Variants in TNR observed in about 807,000 individuals in gnomAD.
The protein encoded by TNR is tenascin R, also known as tenascin-R.
TNR carries 45 observed loss-of-function variants against 150.4 expected under a neutral mutation model. That is an observed-to-expected ratio of 0.30 (90% CI 0.24 to 0.38). The LOEUF (loss-of-function observed/expected upper bound fraction) is 0.38. TNR is among the 10% of genes least tolerant of loss of function. The pLI, the probability that TNR is intolerant of heterozygous loss-of-function variation, is 1.00. For synonymous variants in TNR, 687 were observed against 678.4 expected (o/e 1.01, Z -0.20); for missense variants, 1,544 against 1,759.1 (o/e 0.88, Z 2.19).
intron 3 of TNR, 149 bp downstream of exon 3, chr1:175,406,065 CTT>C: frequency 2.9e-6 from 3 of 1,049,574 alleles, no homozygotes; most frequent in South Asian, 1.7e-5. Context: ...GACTAGGACA[CTT>C]TTTTCCTTTG....
At position 175,647,435 on chromosome 1, in the gene TNR, CA is replaced by C. The variant is rs397745737; in HGVS notation, c.-165+95790del. 1.5e-3 allele frequency among the ~76,000 whole-genome samples: 180 copies of C among 121,584 alleles called. 2 individuals are homozygous for C. In the East Asian group the frequency reaches 0.015, roughly 10 times the overall value. The allele number at this position is 121,584 out of a possible 152,430, so 79.8% of individuals were successfully genotyped here. A position where few individuals can be genotyped will look rare whatever the true frequency, so the allele number is the denominator to read the frequency against. On this transcript the variant is annotated intron_variant, in intron 1 of 22. Coordinates refer to ENST00000367674, the MANE Select transcript of TNR (RefSeq NM_003285.3). Reference sequence around the variant, plus strand: ...AAAATACGCTTGTTACTATTCGGTGCAAAAAAAAAAAAAACCTCATTGTCTC... The same window carrying C: ...AAAATACGCTTGTTACTATTCGGTGCAAAAAAAAAAAAACCTCATTGTCTC...
chr1:175,678,392 A>T (rs1323473152), intron 1 of TNR, among the ~76,000 whole-genome samples: 4 of 152,300 alleles, frequency 2.6e-5, no homozygotes, highest in Middle Eastern at 3.4e-3. Flanking sequence ...GTATTTTTTT[A>T]AAATACACAG....
At chr1:175,580,356 G>C (rs946590282) in intron 1 of TNR, among the ~76,000 whole-genome samples, 2 of 152,156 alleles carry the variant, frequency 1.3e-5, no homozygotes, top group African/African-American at 4.8e-5. Context: ...AATGAATGAA[G>C]CCTGACACTG....
At chr1:175,465,720 C>A (rs1657005272) in intron 2 of TNR, among the ~76,000 whole-genome samples, 1 of 152,006 alleles carries the variant, frequency 6.6e-6, no homozygotes, top group African/African-American at 2.4e-5. Context: ...TGCTCTGATG[C>A]AGTCTTGCTC....
intron 1 of TNR, among the ~76,000 whole-genome samples, chr1:175,636,662 G>C (rs997931983): frequency 6.6e-6 from 1 of 152,156 alleles, no homozygotes; most frequent in Non-Finnish European, 1.5e-5. Context: ...TAATTCCTCT[G>C]TGCAGTCTTT....
intron 8 of TNR, among the ~76,000 whole-genome samples, chr1:175,384,904 T>G (rs1652851645): frequency 6.6e-6 from 1 of 152,210 alleles, no homozygotes; most frequent in South Asian, 2.1e-4. Flanking sequence ...ATTTATCAAT[T>G]GATTTTAAAC....
intron 1 of TNR, among the ~76,000 whole-genome samples, chr1:175,610,244 T>C (rs1663550761): frequency 6.6e-6 from 1 of 152,208 alleles, no homozygotes; most frequent in Admixed American, 6.5e-5. Flanking sequence ...CAGAGAAGGT[T>C]AAGAAATAAC....
At position 175,317,879 on chromosome 1, in the gene TNR, G is replaced by C. The variant is rs1446253715; in HGVS notation, c.*5478C>G. ...AAGAGCCTTATTAAGCTTGAGGAAG[G>C]AGAGAGGATTTCCCCTTTGGAGAAA... On this transcript the variant is annotated 3_prime_UTR_variant, in exon 23 of 23. Coordinates refer to ENST00000367674, the MANE Select transcript of TNR (RefSeq NM_003285.3). 6.6e-6 allele frequency: 1 copy of C among 152,292 alleles called. No individual in the cohort carries two copies. Among genetic ancestry groups the C allele is most frequent in the Non-Finnish European group, 1.5e-5 (1 of 68,074 alleles). 9.4% of individuals were successfully genotyped at this position (152,292 alleles called of 1,614,324 possible). A position where few individuals can be genotyped will look rare whatever the true frequency, so the allele number is the denominator to read the frequency against.
intron 1 of TNR, among the ~76,000 whole-genome samples, chr1:175,741,643 C>T (rs2101963347): frequency 6.6e-6 from 1 of 152,272 alleles, no homozygotes; most frequent in South Asian, 2.1e-4. Context: ...ATTCTACTTC[C>T]TGCCACTCTA....
intron 9 of TNR, among the ~76,000 whole-genome samples, chr1:175,372,129 C>T (rs982861459): frequency 2.6e-5 from 4 of 151,920 alleles, no homozygotes; most frequent in Non-Finnish European, 5.9e-5. Flanking sequence ...TTGTGTGATG[C>T]GCGGGCTACT....
chr1:175,580,678 T>C (rs1662318616), intron 1 of TNR, among the ~76,000 whole-genome samples: 1 of 152,208 alleles, frequency 6.6e-6, no homozygotes, highest in Non-Finnish European at 1.5e-5. Context: ...ACTTATTTTT[T>C]TTACTTACAA....
chr1:175,412,094 A>G (rs1654239440), intron 2 of TNR, among the ~76,000 whole-genome samples: 1 of 152,106 alleles, frequency 6.6e-6, no homozygotes. Flanking sequence ...TCCTCTTTCT[A>G]TCTCCATTAT....
intron 1 of TNR, among the ~76,000 whole-genome samples, chr1:175,684,127 G>A (rs1226078706): frequency 1.3e-5 from 2 of 152,208 alleles, no homozygotes; most frequent in African/African-American, 4.8e-5. Flanking sequence ...GACTGACTCA[G>A]TCACTGGAGG....
intron 1 of TNR, among the ~76,000 whole-genome samples, chr1:175,641,123 A>G (rs532377276): frequency 6.6e-6 from 1 of 152,232 alleles, no homozygotes; most frequent in Admixed American, 6.5e-5. Flanking sequence ...AATAAAATAC[A>G]TGAAATTTGG....
At chr1:175,455,488 C>G (rs1557944921) in intron 2 of TNR, among the ~76,000 whole-genome samples, 1 of 152,208 alleles carries the variant, frequency 6.6e-6, no homozygotes, top group Non-Finnish European at 1.5e-5. Flanking sequence ...GCAGTAGGAG[C>G]AGGCATGCTA....
chr1:175,487,623 T>C (rs996490893), intron 2 of TNR, among the ~76,000 whole-genome samples: 1 of 152,170 alleles, frequency 6.6e-6, no homozygotes, highest in Non-Finnish European at 1.5e-5. Context: ...CAAAACTCCA[T>C]TAATCCCTGC....
intron 1 of TNR, among the ~76,000 whole-genome samples, chr1:175,603,586 A>G (rs1663318317): frequency 6.6e-6 from 1 of 152,256 alleles, no homozygotes; most frequent in Non-Finnish European, 1.5e-5. Flanking sequence ...ATGGGTGAGG[A>G]AGAGTGATGC....
chr1:175,672,719 C>A (rs1665738635), intron 1 of TNR, among the ~76,000 whole-genome samples: 1 of 152,202 alleles, frequency 6.6e-6, no homozygotes. Context: ...CCAAATGAGA[C>A]CTGGGGTCCC....
rs1654326019 is a variant in TNR, at chr1:175,414,002, G to A, written c.-63-7225C>T. ...ACAAAAATTAGCCATGCATGGTGGT[G>A]TGTGTCTGTAGCCCCAGCTACTTGG... is the stretch of plus-strand genomic sequence containing the variant. On this transcript the variant is annotated intron_variant, in intron 2 of 22. Coordinates refer to ENST00000367674, the MANE Select transcript of TNR (RefSeq NM_003285.3). Among the ~76,000 whole-genome samples the A allele has an allele frequency of 2.0e-5, 3 of 152,126 alleles. No homozygotes were observed. In the South Asian group the frequency reaches 6.2e-4, roughly 32 times the overall value.
Sources: gnomAD v4.1 joint callset for allele counts (sites outside exome capture counted in the v4.1 genomes callset) on GRCh38, gnomAD v4.1.1 for gene constraint, MANE v1.5 for transcripts, NCBI Gene and HGNC (gene_info 2026-07-23, HGNC 2026-07-21) for gene names.